TIGAR: variants seen among roughly 807,000 people sequenced by gnomAD.
TIGAR encodes the protein TP53 induced glycolysis regulatory phosphatase, also known as fructose-2,6-bisphosphatase TIGAR.
TIGAR carries 7 observed loss-of-function variants against 17.9 expected under a neutral mutation model. The ratio of observed to expected loss-of-function variants is 0.39; its 90% CI spans 0.22 to 0.73. The LOEUF (loss-of-function observed/expected upper bound fraction) is 0.73, where lower values mean the gene tolerates loss of function less well. Among genes scored for constraint, TIGAR ranks in the 30% least tolerant of loss-of-function variants. The probability of loss-of-function intolerance (pLI) is 0.42; values close to 1 mark genes in which losing one functional copy is unlikely to be tolerated. For missense variants in TIGAR, 258 were observed against 327.4 expected, an observed-to-expected ratio of 0.79 and a Z score of 1.64; for synonymous variants, 94 against 108.6, an observed-to-expected ratio of 0.87 and a Z score of 0.84.
chr12:4,336,743 A>G lies in TIGAR; in HGVS notation c.71-296A>G, dbSNP rs149505187. Among the ~76,000 whole-genome samples, 199 of 152,314 alleles carry G rather than the reference A, an allele frequency of 1.3e-3. 2 individuals are homozygous for G. In the Middle Eastern group the frequency reaches 0.014, roughly 10 times the overall value. ...CACAGTACCTGTAAGATCAGAGCCA[A>G]TTAATGAAGAGAGGGGCAAACATAA... On this transcript the variant is annotated intron_variant, in intron 2 of 5. Transcript: ENST00000179259.
At chr12:4,339,107 A>G (rs893191626) in intron 3 of TIGAR, among the ~76,000 whole-genome samples, 1 of 152,128 alleles carries the variant, frequency 6.6e-6, no homozygotes, top group African/African-American at 2.4e-5. Context: ...ACTCCAAAAG[A>G]TCAGTGAAAT....
chr12:4,325,722 A>G (rs1025296056), intron 1 of TIGAR, among the ~76,000 whole-genome samples: 3 of 149,126 alleles, frequency 2.0e-5, no homozygotes, highest in Admixed American at 6.8e-5. Context: ...AGCCTGGGCA[A>G]CAAGAGTAAA....
At chr12:4,350,327 T>C (rs1241259067) in intron 4 of TIGAR, among the ~76,000 whole-genome samples, 2 of 152,242 alleles carry the variant, frequency 1.3e-5, no homozygotes, top group Admixed American at 1.3e-4. Context: ...GAGTGTGTAC[T>C]TTTTTAAAGG....
chr12:4,337,203 T>A, intron 3 of TIGAR, 43 bp downstream of exon 3: 1 of 1,492,838 alleles, frequency 6.7e-7, no homozygotes, highest in Non-Finnish European at 9.2e-7. Flanking sequence ...AGCGTCACTC[T>A]ATGCCCAGGC....
At position 4,337,164 on chromosome 12, in the gene TIGAR, CATTT is replaced by C. The variant is rs550474468; in HGVS notation, c.192+21_192+24del. On this transcript the variant is annotated splice_donor_5th_base_variant and intron_variant, in intron 3 of 5. Transcript: ENST00000179259. ...TGATCTCATGAGGACAAAGCAGGTACATTTATTTATTTATTTATTTTGAGACAGA... is the reference window on the plus strand; with the variant it reads ...TGATCTCATGAGGACAAAGCAGGTACATTTATTTATTTATTTTGAGACAGA... The C allele has an allele frequency of 2.5e-4, 391 of 1,590,112 alleles. No individual in the cohort carries two copies. Among genetic ancestry groups the C allele is most frequent in the South Asian group, 3.6e-4 (32 of 89,658 alleles).
chr12:4,343,578 C>T (rs150921038), intron 3 of TIGAR, among the ~76,000 whole-genome samples: 1,839 of 152,320 alleles, frequency 0.012, 44 homozygotes, highest in African/African-American at 0.041. Context: ...AATTAAGAAA[C>T]TCAAAGCCAC....
intron 3 of TIGAR, among the ~76,000 whole-genome samples, chr12:4,340,768 C>G (rs1275868941): frequency 6.6e-6 from 1 of 152,156 alleles, no homozygotes; most frequent in Non-Finnish European, 1.5e-5. Flanking sequence ...TCATTTTTGA[C>G]AAAGATGCCA....
chr12:4,341,484 C>A (rs1007368207), intron 3 of TIGAR, among the ~76,000 whole-genome samples: 3 of 152,162 alleles, frequency 2.0e-5, no homozygotes, highest in Non-Finnish European at 4.4e-5. Flanking sequence ...CTGGGAGGCA[C>A]CCCCCAGTAG....
At chr12:4,326,915 C>T (rs1864552132) in intron 1 of TIGAR, among the ~76,000 whole-genome samples, 1 of 152,142 alleles carries the variant, frequency 6.6e-6, no homozygotes, top group Non-Finnish European at 1.5e-5. Context: ...TTTCTTCTCA[C>T]CCCTCATTTC....
intron 3 of TIGAR, among the ~76,000 whole-genome samples, chr12:4,349,423 G>GTT (rs923212662): frequency 1.4e-5 from 2 of 143,548 alleles, no homozygotes; most frequent in Non-Finnish European, 3.1e-5. Context: ...TTCTAGTTTT[G>GTT]TTTTTTTTTT....
intron 2 of TIGAR, among the ~76,000 whole-genome samples, chr12:4,334,792 A>G (rs999242283): frequency 7.9e-5 from 12 of 152,188 alleles, no homozygotes; most frequent in Non-Finnish European, 1.5e-4. Flanking sequence ...GGAAGATAGC[A>G]TTCTGCAGTT....
At chr12:4,349,791 A>G (rs1276876871) in intron 3 of TIGAR, 28 bp from the exon 4 acceptor site, 1 of 1,520,098 alleles carries the variant, frequency 6.6e-7, no homozygotes, top group Middle Eastern at 1.7e-4. Context: ...ATTTTTATAA[A>G]GAAAGAAACA....
chr12:4,343,701 A>C (rs1864749475), intron 3 of TIGAR, among the ~76,000 whole-genome samples: 1 of 152,362 alleles, frequency 6.6e-6, no homozygotes, highest in South Asian at 2.1e-4. Flanking sequence ...GAGACAACAT[A>C]CCAGAATCTC....
rs1374562572 is a variant in TIGAR at position 4,352,302 on chromosome 12, C to G, written c.424C>G (p.Leu142Val). Reference sequence around the variant, plus strand: ...AGACTTTTTTGAATTTCTTTGTCAACTAATCCTGAAAGAAGCGGATCAAAA... The same window carrying G: ...AGACTTTTTTGAATTTCTTTGTCAAGTAATCCTGAAAGAAGCGGATCAAAA... The part of the protein sequence containing the change: ...GIDFFEFLCQ[L>V]ILKEADQKEQ... The change falls in exon 6 of 6, where the codon CTA becomes GTA. Residue 142 changes from leucine to valine, a missense_variant. Transcript: ENST00000179259. 6.2e-7 allele frequency: 1 copy of G among 1,613,640 alleles called. No individual in the cohort carries two copies. Among genetic ancestry groups the G allele is most frequent in the Non-Finnish European group, 8.5e-7 (1 of 1,179,744 alleles).
At chr12:4,337,590 C>G (rs1169818029) in intron 3 of TIGAR, among the ~76,000 whole-genome samples, 1 of 152,048 alleles carries the variant, frequency 6.6e-6, no homozygotes, top group Middle Eastern at 3.2e-3. Flanking sequence ...CTCAACAGAA[C>G]TTATTTATTT....
chr12:4,324,093 G>A (rs1048396685), intron 1 of TIGAR, among the ~76,000 whole-genome samples: 2 of 152,186 alleles, frequency 1.3e-5, no homozygotes, highest in African/African-American at 4.8e-5. Context: ...TGAAATGAAA[G>A]TACCAGTGTG....
intron 3 of TIGAR, among the ~76,000 whole-genome samples, chr12:4,341,521 G>A (rs1231345437): frequency 6.6e-6 from 1 of 152,124 alleles, no homozygotes; most frequent in Non-Finnish European, 1.5e-5. Flanking sequence ...CACACGGCCG[G>A]GTACCCCTCT....
At chr12:4,326,929 ATG>A (rs1864552254) in intron 1 of TIGAR, among the ~76,000 whole-genome samples, 1 of 152,132 alleles carries the variant, frequency 6.6e-6, no homozygotes, top group Non-Finnish European at 1.5e-5. Flanking sequence ...TCATTTCAAA[ATG>A]AGGGTGCTTC....
intron 2 of TIGAR, among the ~76,000 whole-genome samples, chr12:4,333,318 C>G (rs1864623296): frequency 6.8e-6 from 1 of 146,684 alleles, no homozygotes; most frequent in African/African-American, 2.5e-5. Flanking sequence ...GAGACAGAGT[C>G]TTGCTCTGTC....
Sources: allele counts gnomAD v4.1 joint callset (sites outside exome capture counted in the v4.1 genomes callset), GRCh38; gene constraint gnomAD v4.1.1; transcripts MANE v1.5; gene names NCBI Gene and HGNC (gene_info 2026-07-23, HGNC 2026-07-21).